The following ATP2A2 variants were observed in gnomAD, a reference collection of about 807,000 sequenced individuals.
ATP2A2 encodes sarcoplasmic/endoplasmic reticulum calcium ATPase 2.
ATP2A2 carries 14 observed loss-of-function variants against 109.3 expected under a neutral mutation model. The observed-to-expected ratio is 0.13, with a 90% CI of 0.08 to 0.20. The LOEUF (loss-of-function observed/expected upper bound fraction) is 0.20. ATP2A2 is among the 10% of genes least tolerant of loss of function. The pLI, the probability that ATP2A2 is intolerant of heterozygous loss-of-function variation, is 1.00. For missense variants in ATP2A2, 657 were observed against 1,321.6 expected (o/e 0.50, Z 7.80); for synonymous variants, 506 against 490.9 (o/e 1.03, Z -0.41).
chr12:110,339,830 G>T lies in ATP2A2; in HGVS notation c.1761+109G>T. The T allele has an allele frequency of 8.0e-7, 1 of 1,250,912 alleles. No homozygotes were observed. The highest frequency in any genetic ancestry group is 1.1e-6 in the Non-Finnish European group (1 of 876,492). 77.5% of individuals were successfully genotyped at this position (1,250,912 alleles called of 1,614,324 possible). A position where few individuals can be genotyped will look rare whatever the true frequency, so the allele number is the denominator to read the frequency against. ...AGTTCTCACTTTTGCCAAGAAAGAG[G>T]TGTGGTTATTTGTTTTTCTGCCTGC... On this transcript the variant is annotated intron_variant, in intron 13 of 19. Coordinates refer to ENST00000539276, the MANE Select transcript of ATP2A2 (RefSeq NM_170665.4). The surrounding 1 kb of genome is among the most constrained non-coding windows in gnomAD (Gnocchi z 4.4).
intron 4 of ATP2A2, among the ~76,000 whole-genome samples, chr12:110,293,367 C>CTTTTTTTTTTTTTT (rs1178977431): frequency 1.3e-5 from 1 of 79,858 alleles, no homozygotes; most frequent in Non-Finnish European, 2.4e-5. Flanking sequence ...CACTCCCGGC[C>CTTTTTTTTTTTTTT]TTTTTTTTTT....
chr12:110,321,641 G>T (rs1338780091), intron 5 of ATP2A2, among the ~76,000 whole-genome samples: 2 of 152,086 alleles, frequency 1.3e-5, no homozygotes, highest in East Asian at 3.9e-4. Context: ...CGCCATGTTG[G>T]CCAGACTGGT....
intron 5 of ATP2A2, among the ~76,000 whole-genome samples, chr12:110,311,622 A>AAAAAAG (rs1876073126): frequency 6.4e-5 from 9 of 141,086 alleles, no homozygotes; most frequent in Non-Finnish European, 9.3e-5. Context: ...AAAAAAAAAA[A>AAAAAAG]CGCTGGGATT....
chr12:110,350,376 T>G lies in ATP2A2; in HGVS notation c.*3906T>G. 1 of 1,612,006 alleles carries G rather than the reference T, an allele frequency of 6.2e-7. No homozygotes were observed. Among genetic ancestry groups the G allele is most frequent in the Non-Finnish European group, 8.5e-7 (1 of 1,178,074 alleles). On this transcript the variant is annotated 3_prime_UTR_variant, in exon 20 of 20. Transcript: ENST00000539276. The stretch of plus-strand genomic sequence containing the variant: ...GTGCATGTGCGTTTTTAGCAACACA[T>G]CTACCAACCCTGTGCATGACTGATG...
chr12:110,322,300 G>A (rs1052995141), intron 5 of ATP2A2, among the ~76,000 whole-genome samples: 10 of 152,180 alleles, frequency 6.6e-5, no homozygotes, highest in Middle Eastern at 6.8e-3. Flanking sequence ...AGATTAACTT[G>A]GAAATAAACA....
At chr12:110,301,126 C>T (rs1420129210) in intron 5 of ATP2A2, among the ~76,000 whole-genome samples, 2 of 152,108 alleles carry the variant, frequency 1.3e-5, no homozygotes, top group African/African-American at 4.8e-5. Context: ...CTTGGCCTCC[C>T]AAAGTTCTGG....
chr12:110,348,109 A>G lies in ATP2A2; in HGVS notation c.*1639A>G, dbSNP rs1371007299. ...CCAACAGGCTGAAGGAGCTGTGCAG[A>G]CTATTGCTAAAATGAGGGTTCGCAG... On this transcript the variant is annotated 3_prime_UTR_variant, in exon 20 of 20. Coordinates refer to ENST00000539276, the MANE Select transcript of ATP2A2 (RefSeq NM_170665.4). 2.0e-6 allele frequency: 2 copies of G among 985,538 alleles called. No homozygotes were observed. Among genetic ancestry groups the G allele is most frequent in the Admixed American group, 6.1e-5 (1 of 16,302 alleles). The allele number at this position is 985,538 out of a possible 1,614,324, so 61.0% of individuals were successfully genotyped here. A position where few individuals can be genotyped will look rare whatever the true frequency, so the allele number is the denominator to read the frequency against.
intron 5 of ATP2A2, among the ~76,000 whole-genome samples, chr12:110,310,817 C>G (rs1209181112): frequency 6.6e-6 from 1 of 152,118 alleles, no homozygotes; most frequent in East Asian, 1.9e-4. Flanking sequence ...AGAAAACTTT[C>G]AATTTAAAGG....
Position 110,339,454 on chromosome 12 carries a change from G to A in ATP2A2, c.1543-49G>A, listed in dbSNP as rs368526701. The A allele has an allele frequency of 8.7e-6, 14 of 1,613,914 alleles. No homozygotes were observed. Among genetic ancestry groups the A allele is most frequent in the East Asian group, 2.2e-5 (1 of 44,894 alleles). On this transcript the variant is annotated intron_variant, in intron 12 of 19. Coordinates refer to ENST00000539276, the MANE Select transcript of ATP2A2 (RefSeq NM_170665.4). This position sits in a 1 kb window ranked among gnomAD's most constrained non-coding sequence, Gnocchi z 4.4. The stretch of plus-strand genomic sequence containing the variant: ...ATGTTCTTGCCAGGGTTAAGATCCC[G>A]GTGAACCAATAAAACAAAATTGTTT...
At chr12:110,302,529 C>T (rs1010373421) in intron 5 of ATP2A2, among the ~76,000 whole-genome samples, 1 of 151,732 alleles carries the variant, frequency 6.6e-6, no homozygotes, top group Non-Finnish European at 1.5e-5. Context: ...TGCTAAAAAG[C>T]GTATATATTG....
chr12:110,322,962 T>G, intron 5 of ATP2A2, 30 bp from the exon 6 acceptor site: 1 of 1,547,980 alleles, frequency 6.5e-7, no homozygotes, highest in Non-Finnish European at 8.9e-7. Context: ...AAGTTGCTCA[T>G]TTCAGCCGCC....
At chr12:110,299,615 C>T (rs935145280) in intron 5 of ATP2A2, among the ~76,000 whole-genome samples, 10 of 151,952 alleles carry the variant, frequency 6.6e-5, no homozygotes, top group Non-Finnish European at 1.3e-4. Flanking sequence ...TACAAAACAG[C>T]AGATTTGTTT....
At chr12:110,305,310 C>T (rs567458884) in intron 5 of ATP2A2, among the ~76,000 whole-genome samples, 3 of 152,114 alleles carry the variant, frequency 2.0e-5, no homozygotes, top group African/African-American at 7.2e-5. Context: ...GGCAGAGGTA[C>T]GAAGATGACT....
At chr12:110,309,537 A>C (rs529225827) in intron 5 of ATP2A2, among the ~76,000 whole-genome samples, 3 of 152,154 alleles carry the variant, frequency 2.0e-5, no homozygotes, top group African/African-American at 7.2e-5. Context: ...GCAAATGCTA[A>C]TGTGAGTCTT....
chr12:110,326,887 G>T (rs1877858487), intron 7 of ATP2A2, among the ~76,000 whole-genome samples: 1 of 152,214 alleles, frequency 6.6e-6, no homozygotes, highest in Non-Finnish European at 1.5e-5. Context: ...GTGAGTCTAG[G>T]TGCAAAGTAT....
intron 8 of ATP2A2, chr12:110,331,818 A>G (rs1415881234): frequency 1.3e-5 from 2 of 152,244 alleles, no homozygotes; most frequent in Non-Finnish European, 2.9e-5. Flanking sequence ...TGAAAACACA[A>G]GCCTAAATCT....
At chr12:110,345,567 T>C (rs1879768638) in intron 18 of ATP2A2, 185 bp downstream of exon 18, 2 of 938,478 alleles carry the variant, frequency 2.1e-6, no homozygotes, top group Non-Finnish European at 3.3e-6. Flanking sequence ...GTGGGAGTGC[T>C]TAGCCCTGTG....
rs1480624595 is a variant in ATP2A2 at position 110,349,508 on chromosome 12, GGAGGAAGCTGTCCCTT to G, written c.*3042_*3057del. 3.1e-5 allele frequency: 31 copies of G among 985,926 alleles called. No homozygotes were observed. The highest frequency in any genetic ancestry group is 3.7e-5 in the Non-Finnish European group (31 of 830,402). 61.1% of individuals were successfully genotyped at this position (985,926 alleles called of 1,614,324 possible). A position where few individuals can be genotyped will look rare whatever the true frequency, so the allele number is the denominator to read the frequency against. On this transcript the variant is annotated 3_prime_UTR_variant, in exon 20 of 20. Coordinates refer to ENST00000539276, the MANE Select transcript of ATP2A2 (RefSeq NM_170665.4). ...CTGCAGAATGCAGATGATCCATTCT[GGAGGAAGCTGTCCCTT>G]GAGCTCAGTGAGCTCCCAGGCAAGC...
In ATP2A2 at chr12:110,342,102, A is replaced by T; in HGVS notation, c.2098-126A>T. 1.8e-6 allele frequency: 2 copies of T among 1,089,670 alleles called. No homozygotes were observed. Among genetic ancestry groups the T allele is most frequent in the Non-Finnish European group, 2.8e-6 (2 of 724,316 alleles). The allele number at this position is 1,089,670 out of a possible 1,614,324, so 67.5% of individuals were successfully genotyped here. On this transcript the variant is annotated intron_variant, in intron 14 of 19. Coordinates refer to ENST00000539276, the MANE Select transcript of ATP2A2 (RefSeq NM_170665.4). This position sits in a 1 kb window ranked among gnomAD's most constrained non-coding sequence, Gnocchi z 4.6. ...ACCAACTTATGAAACAAAAATTCTA[A>T]AACTCTTTGCCAAGAGACCTACGGC...
Sources: gnomAD v4.1 joint callset for allele counts (sites outside exome capture counted in the v4.1 genomes callset) on GRCh38, gnomAD v4.1.1 for gene constraint, Gnocchi (gnomAD v3.1) non-coding constraint, MANE v1.5 for transcripts, NCBI Gene and HGNC (gene_info 2026-07-23, HGNC 2026-07-21) for gene names.